XKR3: variants seen among roughly 807,000 people sequenced by gnomAD.
The protein encoded by XKR3 is XK-related protein 3.
A neutral mutation model predicts 40.3 loss-of-function variants in XKR3; 27 were observed. The observed-to-expected ratio is 0.67, with a 90% CI of 0.49 to 0.92. The LOEUF (loss-of-function observed/expected upper bound fraction) is 0.92, where lower values mean the gene tolerates loss of function less well. XKR3 is among the 40% of genes least tolerant of loss of function. The pLI is 0.00. For synonymous variants in XKR3, 193 were observed against 195.4 expected (o/e 0.99, Z 0.10); for missense variants, 472 against 537.6 (o/e 0.88, Z 1.21).
chr22:16,788,439 T>G (rs1601839137), intron 3 of XKR3, among the ~76,000 whole-genome samples: 2 of 151,988 alleles, frequency 1.3e-5, no homozygotes, highest in Non-Finnish European at 2.9e-5. Context: ...AAAGGAGATG[T>G]CATAACTGAC....
chr22:16,808,516 AT>A (rs2060199880), intron 1 of XKR3, among the ~76,000 whole-genome samples: 1 of 152,242 alleles, frequency 6.6e-6, no homozygotes, highest in Non-Finnish European at 1.5e-5. Flanking sequence ...ATCCCCAGAT[AT>A]TCCTGATTAG....
At chr22:16,809,415 A>G (rs1198494486) in intron 1 of XKR3, among the ~76,000 whole-genome samples, 3 of 152,166 alleles carry the variant, frequency 2.0e-5, no homozygotes, top group African/African-American at 7.2e-5. Context: ...ATATTTTACA[A>G]TTCAAAACAA....
At chr22:16,814,351 T>C (rs2060224765) in intron 1 of XKR3, among the ~76,000 whole-genome samples, 1 of 152,200 alleles carries the variant, frequency 6.6e-6, no homozygotes, top group African/African-American at 2.4e-5. Context: ...GGCTTCTTTC[T>C]GAACTCTCAA....
At chr22:16,814,109 A>T (rs2060223691) in intron 1 of XKR3, among the ~76,000 whole-genome samples, 1 of 152,192 alleles carries the variant, frequency 6.6e-6, no homozygotes, top group African/African-American at 2.4e-5. Context: ...ACGTTTGCGT[A>T]ATCTAAGGTC....
intron 2 of XKR3, among the ~76,000 whole-genome samples, chr22:16,801,836 T>C (rs531378637): frequency 3.5e-4 from 53 of 152,318 alleles, no homozygotes; most frequent in Non-Finnish European, 6.0e-4. Flanking sequence ...GTATTAATTT[T>C]AAGCTTCTAT....
Position 16,807,997 on chromosome 22 carries a change from C to T in XKR3, c.77G>A (p.Gly26Asp). Residue 26 changes from glycine (G) to aspartate (D), a missense_variant, in exon 2 of 4, where the codon GGC becomes GAC. Gly to Asp is a moderately conservative substitution (Grantham distance 94). Transcript: ENST00000684488. ...AGGAAAGCTTAGATGGAGTCTCTGGCCAAGGACTATTTCTTCTTTCGAAGA... is the reference window on the plus strand; with the variant it reads ...AGGAAAGCTTAGATGGAGTCTCTGGTCAAGGACTATTTCTTCTTTCGAAGA... ...VSSSKEEIVL[G>D]QRLHLSFPFS... The T allele has an allele frequency of 3.7e-6, 6 of 1,613,868 alleles. No individual in the cohort carries two copies. The highest frequency in any genetic ancestry group is 5.1e-6 in the Non-Finnish European group (6 of 1,179,890).
At chr22:16,825,131 T>C (rs2060268450) in intron 1 of XKR3, among the ~76,000 whole-genome samples, 160 bp downstream of exon 1, 2 of 152,166 alleles carry the variant, frequency 1.3e-5, no homozygotes, top group Admixed American at 6.5e-5. Context: ...TTCTCTTCTC[T>C]GAAAATCAGA....
chr22:16,792,069 A>G (rs1328927012), intron 3 of XKR3, among the ~76,000 whole-genome samples: 1 of 151,894 alleles, frequency 6.6e-6, no homozygotes, highest in Non-Finnish European at 1.5e-5. Context: ...AGCCTACCGA[A>G]TAGTTGAGAT....
intron 2 of XKR3, among the ~76,000 whole-genome samples, chr22:16,804,510 C>T (rs879187977): frequency 1.1e-4 from 16 of 152,134 alleles, no homozygotes; most frequent in Non-Finnish European, 4.4e-5. Context: ...AGATCTTTTA[C>T]TTCCAGGCCC....
chr22:16,791,383 G>A (rs2146144651), intron 3 of XKR3, among the ~76,000 whole-genome samples: 1 of 151,982 alleles, frequency 6.6e-6, no homozygotes, highest in Non-Finnish European at 1.5e-5. Flanking sequence ...GTGGTTATAG[G>A]AAAAGAAAGA....
rs528825843 is a variant in XKR3 at position 16,811,026 on chromosome 22, A to G, written c.-10-2943T>C. Among the ~76,000 whole-genome samples, 9 of 152,208 alleles carry G rather than the reference A, an allele frequency of 5.9e-5. No individual in the cohort carries two copies. In the South Asian group the frequency reaches 8.3e-4, roughly 14 times the overall value. ...GCCAAAATGTAAGTTCTATCAGTACATGGATATTTGTCTTTTCTCAGGTGA... is the reference window on the plus strand; with the variant it reads ...GCCAAAATGTAAGTTCTATCAGTACGTGGATATTTGTCTTTTCTCAGGTGA... On this transcript the variant is annotated intron_variant, in intron 1 of 3. Transcript: ENST00000684488.
intron 1 of XKR3, among the ~76,000 whole-genome samples, chr22:16,813,806 C>T (rs536209559): frequency 6.6e-6 from 1 of 152,242 alleles, no homozygotes; most frequent in African/African-American, 2.4e-5. Context: ...GATGAGGTTC[C>T]CAATTTTTCC....
intron 3 of XKR3, among the ~76,000 whole-genome samples, chr22:16,796,157 AG>A (rs1424909047): frequency 6.6e-6 from 1 of 152,194 alleles, no homozygotes; most frequent in African/African-American, 2.4e-5. Context: ...AATCAAGAAG[AG>A]ATTGAAACTG....
chr22:16,810,995 A>G (rs1043187308), intron 1 of XKR3, among the ~76,000 whole-genome samples: 4 of 152,268 alleles, frequency 2.6e-5, no homozygotes, highest in African/African-American at 9.6e-5. Context: ...ACTGCTTCCT[A>G]CTAAAGCCAA....
At chr22:16,801,367 A>G (rs1477839402) in intron 2 of XKR3, among the ~76,000 whole-genome samples, 4 of 152,082 alleles carry the variant, frequency 2.6e-5, no homozygotes, top group African/African-American at 9.7e-5. Context: ...TACATGGTGA[A>G]ACGCTATCTC....
At chr22:16,804,462 A>G (rs2060181815) in intron 2 of XKR3, among the ~76,000 whole-genome samples, 2 of 152,004 alleles carry the variant, frequency 1.3e-5, no homozygotes, top group African/African-American at 4.8e-5. Context: ...TATGTGGGGG[A>G]AAATTTGGAT....
At chr22:16,818,046 T>C (rs2060240980) in intron 1 of XKR3, among the ~76,000 whole-genome samples, 1 of 152,200 alleles carries the variant, frequency 6.6e-6, no homozygotes, top group South Asian at 2.1e-4. Context: ...TTATATGCTA[T>C]AAATCATTGG....
At chr22:16,807,493 C>T (rs2060194425) in intron 2 of XKR3, among the ~76,000 whole-genome samples, 1 of 152,164 alleles carries the variant, frequency 6.6e-6, no homozygotes, top group Non-Finnish European at 1.5e-5. Context: ...TGGAATACAA[C>T]ACATACATAG....
intron 3 of XKR3, among the ~76,000 whole-genome samples, chr22:16,791,208 G>A (rs1269643180): frequency 6.6e-6 from 1 of 151,666 alleles, no homozygotes; most frequent in Non-Finnish European, 1.5e-5. Flanking sequence ...CAATGGAAGA[G>A]TATTCAGCTA....
Sources: allele counts gnomAD v4.1 joint callset (sites outside exome capture counted in the v4.1 genomes callset), GRCh38; gene constraint gnomAD v4.1.1; transcripts MANE v1.5; gene names NCBI Gene and HGNC (gene_info 2026-07-23, HGNC 2026-07-21).